The following PRDM15 variants were observed in gnomAD, a reference collection of about 807,000 sequenced individuals.
PRDM15 encodes PR domain zinc finger protein 15.
A neutral mutation model predicts 128.6 loss-of-function variants in PRDM15; 64 were observed. The ratio of observed to expected loss-of-function variants is 0.50; its 90% CI spans 0.41 to 0.61. The LOEUF is 0.61. Ranked by LOEUF, PRDM15 falls within the 20% of genes least tolerant of loss-of-function variation. The pLI is 0.00. For synonymous variants in PRDM15, 615 were observed against 621.8 expected (o/e 0.99, Z 0.16); for missense variants, 1,242 against 1,569.1 (o/e 0.79, Z 3.52).
At chr21:41,831,732 G>A (rs114648028) in intron 11 of PRDM15, among the ~76,000 whole-genome samples, 2,846 of 152,296 alleles carry the variant, frequency 0.019, 35 homozygotes, top group South Asian at 0.044. Flanking sequence ...GGAGGGGACA[G>A]TCCCCTCCCA....
chr21:41,815,105 T>C (rs73219052), intron 19 of PRDM15: 6,126 of 155,836 alleles, frequency 0.039, 131 homozygotes, highest in South Asian at 0.048. Flanking sequence ...CTGTAGTGTT[T>C]TATAAGAATG....
chr21:41,847,212 G>GA, intron 5 of PRDM15, 21 bp from the exon 6 acceptor site: 1 of 1,514,050 alleles, frequency 6.6e-7, no homozygotes, highest in Non-Finnish European at 9.0e-7. Context: ...CATGAGAGGA[G>GA]AAAAAGGTGA....
intron 5 of PRDM15, among the ~76,000 whole-genome samples, chr21:41,848,433 G>A (rs896572160): frequency 2.6e-5 from 4 of 152,198 alleles, no homozygotes; most frequent in African/African-American, 9.7e-5. Flanking sequence ...TGCCAGCAGG[G>A]CATTTTTCTG....
rs1433358733 is a variant in PRDM15, at chr21:41,799,123, G to A, written c.*2117C>T. On this transcript the variant is annotated 3_prime_UTR_variant, in exon 24 of 24. Coordinates refer to ENST00000398548, the MANE Select transcript of PRDM15 (RefSeq NM_001040424.3). ...ACAACTTCTTTAAAAAAATAAAATT[G>A]TGATTTCCAAGGCCTTTATTTTATA... 1 of 152,176 alleles carries A rather than the reference G, an allele frequency of 6.6e-6. No individual in the cohort carries two copies. The allele number at this position is 152,176 out of a possible 1,614,324, so 9.4% of individuals were successfully genotyped here. A position where few individuals can be genotyped will look rare whatever the true frequency, so the allele number is the denominator to read the frequency against.
intron 11 of PRDM15, among the ~76,000 whole-genome samples, chr21:41,829,955 TAC>T (rs1404685994): frequency 6.7e-6 from 1 of 148,828 alleles, no homozygotes; most frequent in African/African-American, 2.5e-5. Context: ...ACTACACAAA[TAC>T]ACAGTCAACA....
Position 41,819,871 on chromosome 21 carries a change from G to A in PRDM15, c.2141-170C>T. On this transcript the variant is annotated intron_variant, in intron 17 of 23. Coordinates refer to ENST00000398548, the MANE Select transcript of PRDM15 (RefSeq NM_001040424.3). Reference sequence around the variant, plus strand: ...CACAGAGCCCTCCCGGGGATCCTGTGACTCCAGTAGATCCCTGAGGACCTG... The same window carrying A: ...CACAGAGCCCTCCCGGGGATCCTGTAACTCCAGTAGATCCCTGAGGACCTG... 9.3e-6 allele frequency: 8 copies of A among 860,574 alleles called. 1 individual carries two copies. In the South Asian group the frequency reaches 1.4e-4, roughly 15 times the overall value. 53.3% of individuals were successfully genotyped at this position (860,574 alleles called of 1,614,324 possible). A position where few individuals can be genotyped will look rare whatever the true frequency, so the allele number is the denominator to read the frequency against.
chr21:41,828,862 T>C lies in PRDM15; in HGVS notation c.1367-529A>G, dbSNP rs1255293433. On this transcript the variant is annotated intron_variant, in intron 11 of 23. Transcript: ENST00000398548. This position sits in a 1 kb window ranked among gnomAD's most constrained non-coding sequence, Gnocchi z 5.7. ...GCATCAATGTGCCCATATTCCCCCC[T>C]TCACCCAAATCCTCCTCAGCACACA... Among the ~76,000 whole-genome samples, 1 of 151,358 alleles carries C rather than the reference T, an allele frequency of 6.6e-6. No individual in the cohort carries two copies. Among genetic ancestry groups the C allele is most frequent in the Non-Finnish European group, 1.5e-5 (1 of 67,850 alleles).
intron 1 of PRDM15, chr21:41,871,554 C>G: frequency 6.2e-7 from 1 of 1,612,270 alleles, no homozygotes; most frequent in South Asian, 1.1e-5. Flanking sequence ...GGCTCAGTGT[C>G]GGACACCTCA....
At chr21:41,853,293 TAA>T (rs1200000578) in intron 5 of PRDM15, among the ~76,000 whole-genome samples, 2 of 152,208 alleles carry the variant, frequency 1.3e-5, no homozygotes, top group East Asian at 1.9e-4. Context: ...AACCTTCCAA[TAA>T]GTTAAGAATC....
chr21:41,821,352 C>T lies in PRDM15; in HGVS notation c.1897-122G>A. ...CGCCCTGAGAGCCCATGACTCATGC[C>T]AGGGTGGAAGGGACTCTCAGAGGCT... is the stretch of plus-strand genomic sequence containing the variant. On this transcript the variant is annotated intron_variant, in intron 15 of 23. Transcript: ENST00000398548. The surrounding 1 kb of genome is among the most constrained non-coding windows in gnomAD (Gnocchi z 5.4). The T allele has an allele frequency of 2.5e-6, 3 of 1,184,408 alleles. No homozygotes were observed. The highest frequency in any genetic ancestry group is 4.2e-5 in the Admixed American group (2 of 47,378). The allele number at this position is 1,184,408 out of a possible 1,614,324, so 73.4% of individuals were successfully genotyped here. A position where few individuals can be genotyped will look rare whatever the true frequency, so the allele number is the denominator to read the frequency against.
At chr21:41,839,970 T>C in intron 6 of PRDM15, 117 bp from the exon 7 acceptor site, 3 of 768,112 alleles carry the variant, frequency 3.9e-6, no homozygotes, top group Middle Eastern at 4.8e-4. Flanking sequence ...AACCTTTGTA[T>C]AGGCAAGTGA....
At chr21:41,856,301 CTTCT>C (rs1161393246) in intron 4 of PRDM15, among the ~76,000 whole-genome samples, 2 of 139,996 alleles carry the variant, frequency 1.4e-5, no homozygotes, top group African/African-American at 5.4e-5. Context: ...CCCTTCCTTC[CTTCT>C]TTCTTTTGTA....
At position 41,879,038 on chromosome 21, in the gene PRDM15, G is replaced by A. The variant is rs1438978383; in HGVS notation, c.-10+232C>T. On this transcript the variant is annotated intron_variant, in intron 1 of 23. Coordinates refer to ENST00000398548, the MANE Select transcript of PRDM15 (RefSeq NM_001040424.3). This position sits in a 1 kb window ranked among gnomAD's most constrained non-coding sequence, Gnocchi z 5.1. ...CGCAGGGCGATCCCGGAGCGGCTCCGGGAAATCCAGCCGGGTTTTGACTCC... is the reference window on the plus strand; with the variant it reads ...CGCAGGGCGATCCCGGAGCGGCTCCAGGAAATCCAGCCGGGTTTTGACTCC... 9.0e-6 allele frequency: 10 copies of A among 1,117,136 alleles called. No homozygotes were observed. Among genetic ancestry groups the A allele is most frequent in the African/African-American group, 3.4e-5 (2 of 58,326 alleles). 69.2% of individuals were successfully genotyped at this position (1,117,136 alleles called of 1,614,324 possible). A position where few individuals can be genotyped will look rare whatever the true frequency, so the allele number is the denominator to read the frequency against.
intron 1 of PRDM15, chr21:41,878,993 G>C (rs971692937): frequency 1.0e-4 from 105 of 1,004,072 alleles, no homozygotes; most frequent in Non-Finnish European, 1.1e-4. Context: ...GCGGCGGCGG[G>C]ACCCGGCGGG....
chr21:41,874,525 A>ATATATATATTTTTTTTT, intron 1 of PRDM15, among the ~76,000 whole-genome samples: 116 of 95,780 alleles, frequency 1.2e-3, no homozygotes, highest in South Asian at 3.2e-3. Flanking sequence ...ATATATATAT[A>ATATATATATTTTTTTTT]TTTTTTTTTT....
In PRDM15 at chr21:41,857,439, T is replaced by C. The variant is rs73361551; in HGVS notation, c.132-110A>G. 8,824 of 1,174,022 alleles carry C rather than the reference T, an allele frequency of 7.5e-3. 485 individuals are homozygous for C. The African/African-American group carries it at 0.12, about 16-fold the overall frequency. The allele number at this position is 1,174,022 out of a possible 1,614,324, so 72.7% of individuals were successfully genotyped here. On this transcript the variant is annotated intron_variant, in intron 3 of 23. Coordinates refer to ENST00000398548, the MANE Select transcript of PRDM15 (RefSeq NM_001040424.3). The stretch of plus-strand genomic sequence containing the variant: ...ACTGACCGCCAGGGTTCTTCGGAAA[T>C]AAAATTCTCCAGGTGATAAAATAGA...
At chr21:41,855,093 G>A (rs960960496) in intron 4 of PRDM15, among the ~76,000 whole-genome samples, 7 of 152,128 alleles carry the variant, frequency 4.6e-5, no homozygotes, top group Non-Finnish European at 8.8e-5. Flanking sequence ...TGTTACTCAC[G>A]GCCCAGGTGC....
intron 1 of PRDM15, chr21:41,861,594 A>T: frequency 6.2e-7 from 1 of 1,602,302 alleles, no homozygotes; most frequent in Non-Finnish European, 8.5e-7. Flanking sequence ...TGCTTCTCTG[A>T]TGCCCGTTGC....
intron 1 of PRDM15, chr21:41,861,785 AG>A: frequency 6.2e-7 from 1 of 1,605,566 alleles, no homozygotes; most frequent in East Asian, 2.2e-5. Context: ...ACTTCAAGTT[AG>A]GAGAGTGAGT....
Sources: gnomAD v4.1 joint callset for allele counts (sites outside exome capture counted in the v4.1 genomes callset) on GRCh38, gnomAD v4.1.1 for gene constraint, Gnocchi (gnomAD v3.1) non-coding constraint, MANE v1.5 for transcripts, NCBI Gene and HGNC (gene_info 2026-07-23, HGNC 2026-07-21) for gene names.